The following CFAP92 variants were observed in gnomAD, a reference collection of about 807,000 sequenced individuals.
CFAP92 encodes the protein uncharacterized protein CFAP92.
CFAP92 carries 86 observed loss-of-function variants against 106.3 expected under a neutral mutation model. The ratio of observed to expected loss-of-function variants is 0.81; its 90% CI spans 0.68 to 0.97. The LOEUF is 0.97. CFAP92 is among the 50% of genes least tolerant of loss of function. The probability of loss-of-function intolerance (pLI) is 0.00; values close to 1 mark genes in which losing one functional copy is unlikely to be tolerated. For synonymous variants in CFAP92, 477 were observed against 506.4 expected, an observed-to-expected ratio of 0.94 and a Z score of 0.78; for missense variants, 1,204 against 1,283.8, an observed-to-expected ratio of 0.94 and a Z score of 0.95.
At chr3:128,949,005 A>G (rs529137559) in intron 9 of CFAP92, among the ~76,000 whole-genome samples, 1 of 152,340 alleles carries the variant, frequency 6.6e-6, no homozygotes, top group South Asian at 2.1e-4. Flanking sequence ...AATTAAAACC[A>G]TGATATGATA....
At chr3:128,986,761 C>G (rs1943880642) in intron 4 of CFAP92, among the ~76,000 whole-genome samples, 2 of 152,184 alleles carry the variant, frequency 1.3e-5, no homozygotes, top group Non-Finnish European at 2.9e-5. Flanking sequence ...ATGCCCAAGT[C>G]ACCAACAAGT....
chr3:128,915,101 C>T lies in CFAP92; in HGVS notation c.3280+18G>A. Reference sequence around the variant, plus strand: ...CACGGCATCAGGAGGCCCAGCTTGGCAAACCCTTGCCTGTTACCTGTTACA... The same window carrying T: ...CACGGCATCAGGAGGCCCAGCTTGGTAAACCCTTGCCTGTTACCTGTTACA... On this transcript the variant is annotated intron_variant, in intron 15 of 15. Coordinates refer to ENST00000645291, the MANE Select transcript of CFAP92 (RefSeq NM_001394090.1). The T allele has an allele frequency of 6.5e-7, 1 of 1,533,028 alleles. No individual in the cohort carries two copies. Among genetic ancestry groups the T allele is most frequent in the South Asian group, 1.2e-5 (1 of 83,904 alleles). The allele number at this position is 1,533,028 out of a possible 1,614,324, so 95.0% of individuals were successfully genotyped here. A position where few individuals can be genotyped will look rare whatever the true frequency, so the allele number is the denominator to read the frequency against.
chr3:128,911,673 C>T (rs556579238), intron 15 of CFAP92, among the ~76,000 whole-genome samples: 1 of 152,308 alleles, frequency 6.6e-6, no homozygotes, highest in East Asian at 1.9e-4. Flanking sequence ...AACCCCTGAC[C>T]TCAGGTGATC....
intron 7 of CFAP92, among the ~76,000 whole-genome samples, chr3:128,974,734 T>A (rs1214042077): frequency 6.6e-6 from 1 of 151,852 alleles, no homozygotes; most frequent in Non-Finnish European, 1.5e-5. Context: ...GGCAGCAGAA[T>A]TGTTTGAACC....
chr3:128,923,139 G>A (rs528512980), intron 12 of CFAP92, among the ~76,000 whole-genome samples: 1 of 148,902 alleles, frequency 6.7e-6, no homozygotes, highest in Non-Finnish European at 1.5e-5. Context: ...TTGAGGGTAT[G>A]CTTGTGTTTT....
intron 12 of CFAP92, 101 bp downstream of exon 12, chr3:128,932,599 G>T: frequency 8.3e-7 from 1 of 1,208,588 alleles, no homozygotes; most frequent in African/African-American, 1.5e-5. Flanking sequence ...ACGACCAGAG[G>T]CAAATGTCCC....
chr3:128,967,103 A>C (rs142417554), intron 8 of CFAP92: 1 of 152,342 alleles, frequency 6.6e-6, no homozygotes, highest in Non-Finnish European at 1.5e-5. Context: ...TTAAAGGATT[A>C]AGAAAGATGA....
At chr3:128,911,152 G>A (rs892094245) in intron 15 of CFAP92, among the ~76,000 whole-genome samples, 3 of 152,194 alleles carry the variant, frequency 2.0e-5, no homozygotes, top group Admixed American at 6.5e-5. Flanking sequence ...CACCTCTTGG[G>A]TTCAAGCGAT....
chr3:129,015,420 G>C, the CFAP92 span, among the ~76,000 whole-genome samples: 4 of 149,862 alleles, frequency 2.7e-5, no homozygotes, highest in African/African-American at 5.0e-5. Context: ...CTGCTCCTTC[G>C]GGGGGGGAGG....
intron 10 of CFAP92, among the ~76,000 whole-genome samples, chr3:128,942,916 C>T (rs972923154): frequency 7.1e-5 from 6 of 84,950 alleles, no homozygotes; most frequent in East Asian, 8.6e-4. Flanking sequence ...AAAACTCAAC[C>T]TTTTTTTTTT....
chr3:128,959,210 C>CAAAT (rs891094803), intron 9 of CFAP92, among the ~76,000 whole-genome samples: 2 of 150,964 alleles, frequency 1.3e-5, no homozygotes, highest in Non-Finnish European at 2.9e-5. Context: ...AATTCTGCCT[C>CAAAT]AAATAAATAA....
At chr3:129,003,979 C>T (rs1944935955), upstream of CFAP92, 1 of 1,488,482 alleles carries the variant, frequency 6.7e-7, no homozygotes, top group African/African-American at 1.5e-5. Context: ...TGGTGCTGCG[C>T]AGCCTGCACC....
At chr3:128,931,060 G>A (rs1427228047) in intron 12 of CFAP92, among the ~76,000 whole-genome samples, 1 of 152,046 alleles carries the variant, frequency 6.6e-6, no homozygotes, top group Non-Finnish European at 1.5e-5. Context: ...TGTGCACCAC[G>A]ACACCCAGCT....
chr3:129,025,369 C>G, the CFAP92 span, among the ~76,000 whole-genome samples: 1 of 152,106 alleles, frequency 6.6e-6, no homozygotes, highest in Non-Finnish European at 1.5e-5. Flanking sequence ...TCCCGGAAGC[C>G]ACGGGAAGAG....
At chr3:128,950,736 T>A (rs1940700400) in intron 9 of CFAP92, among the ~76,000 whole-genome samples, 1 of 152,176 alleles carries the variant, frequency 6.6e-6, no homozygotes. Flanking sequence ...TGAAATGCTG[T>A]CCACTGGGGA....
chr3:128,977,990 C>A (rs1943266866), intron 5 of CFAP92, 55 bp downstream of exon 5: 1 of 1,608,176 alleles, frequency 6.2e-7, no homozygotes, highest in South Asian at 1.1e-5. Context: ...CACACAACCG[C>A]TTTCCCTGCC....
intron 9 of CFAP92, among the ~76,000 whole-genome samples, chr3:128,961,335 A>AC (rs979074495): frequency 2.6e-5 from 4 of 151,782 alleles, no homozygotes; most frequent in African/African-American, 9.7e-5. Context: ...CTCAGTCCCA[A>AC]CCCCAAGCAT....
At chr3:128,968,551 G>A (rs945695197) in intron 8 of CFAP92, 1 of 152,038 alleles carries the variant, frequency 6.6e-6, no homozygotes, top group African/African-American at 2.4e-5. Context: ...CATGGCCTCA[G>A]GACAGCTGCT....
At chr3:128,971,844 T>G (rs1419994952) in intron 7 of CFAP92, among the ~76,000 whole-genome samples, 1 of 152,060 alleles carries the variant, frequency 6.6e-6, no homozygotes, top group Non-Finnish European at 1.5e-5. Context: ...CTCAGTAACC[T>G]CACCTGTTAT....
Sources: gnomAD v4.1 joint callset for allele counts (sites outside exome capture counted in the v4.1 genomes callset) on GRCh38, gnomAD v4.1.1 for gene constraint, MANE v1.5 for transcripts, NCBI Gene and HGNC (gene_info 2026-07-23, HGNC 2026-07-21) for gene names.